Variants in FHIT observed in about 807,000 individuals in gnomAD.
FHIT encodes bis(5'-adenosyl)-triphosphatase.
Under a neutral mutation model 17.9 loss-of-function variants are expected in FHIT, and 19 were observed. The observed-to-expected ratio is 1.06, with a 90% CI of 0.74 to 1.56. FHIT has a LOEUF of 1.56. Among genes scored for constraint, FHIT ranks in the 40% most tolerant of loss-of-function variants. FHIT has a pLI of 0.00. For synonymous variants in FHIT, 81 were observed against 69.7 expected (o/e 1.16, Z -0.81); for missense variants, 248 against 189.2 (o/e 1.31, Z -1.82).
intron 5 of FHIT, among the ~76,000 whole-genome samples, chr3:60,384,892 A>G (rs1383997173): frequency 1.3e-5 from 2 of 152,028 alleles, no homozygotes; most frequent in Non-Finnish European, 2.9e-5. Flanking sequence ...TATTGTGAGA[A>G]GTCTAAATTT....
At chr3:61,156,651 C>T (rs2037542289) in intron 2 of FHIT, among the ~76,000 whole-genome samples, 1 of 152,192 alleles carries the variant, frequency 6.6e-6, no homozygotes, top group Admixed American at 6.5e-5. Context: ...TATATAATTT[C>T]CCTTGCATTA....
chr3:60,441,792 A>ATGTG (rs1328363652), intron 5 of FHIT, among the ~76,000 whole-genome samples: 78 of 13,848 alleles, frequency 5.6e-3, no homozygotes, highest in Middle Eastern at 0.062. Flanking sequence ...AAATATATAT[A>ATGTG]TATATATATA....
intron 5 of FHIT, among the ~76,000 whole-genome samples, chr3:60,113,806 C>G (rs1178887338): frequency 1.3e-5 from 2 of 149,682 alleles, no homozygotes; most frequent in Non-Finnish European, 3.0e-5. Context: ...TCGAGACCAT[C>G]CTGGTTAACA....
intron 4 of FHIT, among the ~76,000 whole-genome samples, chr3:60,726,235 G>A (rs1443169883): frequency 2.0e-5 from 3 of 152,066 alleles, no homozygotes; most frequent in Non-Finnish European, 4.4e-5. Context: ...ATCGCTGAAA[G>A]GGTTTTGTCA....
chr3:60,317,755 A>G (rs1228972082), intron 5 of FHIT, among the ~76,000 whole-genome samples: 2 of 148,514 alleles, frequency 1.3e-5, no homozygotes, highest in African/African-American at 5.0e-5. Flanking sequence ...GGGAAGTACT[A>G]GTTCAAAATT....
At chr3:59,915,325 G>A (rs1420916237) in intron 8 of FHIT, among the ~76,000 whole-genome samples, 1 of 152,192 alleles carries the variant, frequency 6.6e-6, no homozygotes, top group African/African-American at 2.4e-5. Context: ...TGGATGCTAT[G>A]GATAGAGTGA....
chr3:60,065,880 C>T lies in FHIT; in HGVS notation c.104-51728G>A, dbSNP rs566534282. ...TTTCCAGTAGCAACACTGCTGCTGC[C>T]ACCTCTCTCCCTTTCTTCCTACCGT... On this transcript the variant is annotated intron_variant, in intron 5 of 9. Coordinates refer to ENST00000492590, the MANE Select transcript of FHIT (RefSeq NM_002012.4). Among the ~76,000 whole-genome samples, 8 of 152,298 alleles carry T rather than the reference C, an allele frequency of 5.3e-5. 1 individual carries two copies. Among genetic ancestry groups the T allele is most frequent in the African/African-American group, 1.9e-4 (8 of 41,568 alleles).
At chr3:60,201,748 T>C (rs908830457) in intron 5 of FHIT, among the ~76,000 whole-genome samples, 2 of 151,986 alleles carry the variant, frequency 1.3e-5, no homozygotes, top group African/African-American at 4.8e-5. Flanking sequence ...TACTAATAAA[T>C]AGCTGAGTTC....
chr3:60,130,933 TTA>T (rs1034536651), intron 5 of FHIT, among the ~76,000 whole-genome samples: 5 of 145,086 alleles, frequency 3.4e-5, no homozygotes, highest in Admixed American at 6.8e-5. Flanking sequence ...ACATATATGT[TTA>T]TATATATACA....
intron 5 of FHIT, among the ~76,000 whole-genome samples, chr3:60,345,964 C>G (rs1048065619): frequency 2.6e-5 from 4 of 152,218 alleles, no homozygotes; most frequent in Non-Finnish European, 5.9e-5. Flanking sequence ...ACTTCCACAA[C>G]TAAGGATAGT....
At chr3:60,206,067 A>C (rs1703159627) in intron 5 of FHIT, among the ~76,000 whole-genome samples, 1 of 150,248 alleles carries the variant, frequency 6.7e-6, no homozygotes, top group Non-Finnish European at 1.5e-5. Context: ...CGGGAGGCGG[A>C]GCTTGCAGTG....
chr3:61,231,408 C>T (rs1440079907), intron 1 of FHIT, among the ~76,000 whole-genome samples: 1 of 151,800 alleles, frequency 6.6e-6, no homozygotes, highest in Non-Finnish European at 1.5e-5. Context: ...GTGAAAGGAC[C>T]TCTTGAGTCC....
chr3:60,288,587 G>C (rs1373744110), intron 5 of FHIT, among the ~76,000 whole-genome samples: 1 of 151,744 alleles, frequency 6.6e-6, no homozygotes, highest in African/African-American at 2.4e-5. Context: ...GTGTGTGTGT[G>C]TGTGTGTGTG....
intron 5 of FHIT, among the ~76,000 whole-genome samples, chr3:60,427,752 A>T (rs1407170163): frequency 6.6e-6 from 1 of 152,098 alleles, no homozygotes; most frequent in East Asian, 1.9e-4. Context: ...CTCTTAAGTC[A>T]TGTCCTATTT....
intron 5 of FHIT, among the ~76,000 whole-genome samples, chr3:60,161,826 A>C (rs1700954798): frequency 6.6e-6 from 1 of 152,108 alleles, no homozygotes. Flanking sequence ...TGGGAAAATC[A>C]ATGTGCATCA....
At chr3:60,572,872 T>C (rs556603597) in intron 4 of FHIT, among the ~76,000 whole-genome samples, 15 of 152,296 alleles carry the variant, frequency 9.8e-5, no homozygotes, top group South Asian at 8.3e-4. Flanking sequence ...CGCAGAGTTC[T>C]TTAATCACCA....
At chr3:60,261,099 G>C (rs1706272195) in intron 5 of FHIT, among the ~76,000 whole-genome samples, 1 of 152,008 alleles carries the variant, frequency 6.6e-6, no homozygotes, top group Non-Finnish European at 1.5e-5. Context: ...AGCCCAAACT[G>C]CTTTCCAAAT....
At chr3:60,089,078 A>G (rs1703621207) in intron 5 of FHIT, among the ~76,000 whole-genome samples, 1 of 152,198 alleles carries the variant, frequency 6.6e-6, no homozygotes, top group African/African-American at 2.4e-5. Context: ...ATCATTTATG[A>G]GACATAGTCT....
chr3:60,642,234 C>T (rs2039743353), intron 4 of FHIT, among the ~76,000 whole-genome samples: 1 of 152,108 alleles, frequency 6.6e-6, no homozygotes, highest in South Asian at 2.1e-4. Context: ...CAGACAAGGT[C>T]GCCTAATAGG....
Sources: gnomAD v4.1 joint callset for allele counts (sites outside exome capture counted in the v4.1 genomes callset) on GRCh38, gnomAD v4.1.1 for gene constraint, MANE v1.5 for transcripts, NCBI Gene and HGNC (gene_info 2026-07-23, HGNC 2026-07-21) for gene names.